The following SARAF variants were observed in gnomAD, a reference collection of about 807,000 sequenced individuals.
SARAF encodes the protein store-operated calcium entry-associated regulatory factor.
A neutral mutation model predicts 39.7 loss-of-function variants in SARAF; 23 were observed. That is an observed-to-expected ratio of 0.58 (90% CI 0.42 to 0.82). The LOEUF (loss-of-function observed/expected upper bound fraction) is 0.82, where lower values mean the gene tolerates loss of function less well. SARAF is among the 40% of genes least tolerant of loss of function. The pLI, the probability that SARAF is intolerant of heterozygous loss-of-function variation, is 0.00. For missense variants in SARAF, 384 were observed against 418.5 expected (o/e 0.92, Z 0.72); for synonymous variants, 175 against 168.5 (o/e 1.04, Z -0.30).
At chr8:30,074,169 G>A in intron 1 of SARAF, 114 bp from the exon 2 acceptor site, 1 of 1,137,606 alleles carries the variant, frequency 8.8e-7, no homozygotes, top group Non-Finnish European at 1.2e-6. Context: ...TCTGAGGATG[G>A]CTAAGAGAGG....
At chr8:30,071,231 C>G (rs1801833961) in intron 2 of SARAF, among the ~76,000 whole-genome samples, 1 of 152,146 alleles carries the variant, frequency 6.6e-6, no homozygotes, top group African/African-American at 2.4e-5. Context: ...ATCCCAGCTA[C>G]TTCAAAAATA....
chr8:30,078,139 C>CAAAA (rs71204258), intron 1 of SARAF: 496 of 210,312 alleles, frequency 2.4e-3, no homozygotes, highest in South Asian at 4.9e-3. Flanking sequence ...GACTCCGTCT[C>CAAAA]AAAAAAAAAA....
rs758269734 is a variant in SARAF, at chr8:30,073,861, C to T, written c.282+16G>A. Reference sequence around the variant, plus strand: ...AAAAACCCCATTTAGACTGCCATTACTGTAGTGGATATTACCTGTACATCA... The same window carrying T: ...AAAAACCCCATTTAGACTGCCATTATTGTAGTGGATATTACCTGTACATCA... On this transcript the variant is annotated intron_variant, in intron 2 of 5. Coordinates refer to ENST00000256255, the MANE Select transcript of SARAF (RefSeq NM_016127.6). 7 of 1,610,566 alleles carry T rather than the reference C, an allele frequency of 4.3e-6. No individual in the cohort carries two copies. Among genetic ancestry groups the T allele is most frequent in the South Asian group, 1.1e-5 (1 of 90,886 alleles).
intron 2 of SARAF, among the ~76,000 whole-genome samples, chr8:30,073,370 C>T (rs1309097168): frequency 1.3e-5 from 2 of 152,250 alleles, no homozygotes; most frequent in African/African-American, 4.8e-5. Flanking sequence ...GTATACAAAA[C>T]ACCAGCGTCC....
chr8:30,071,242 G>A (rs1220740478), intron 2 of SARAF, among the ~76,000 whole-genome samples: 1 of 152,184 alleles, frequency 6.6e-6, no homozygotes, highest in East Asian at 1.9e-4. Context: ...TTCAAAAATA[G>A]AGGCTGAGGC....
At chr8:30,079,320 T>C (rs961052732) in intron 1 of SARAF, among the ~76,000 whole-genome samples, 6 of 152,136 alleles carry the variant, frequency 3.9e-5, no homozygotes, top group African/African-American at 1.4e-4. Flanking sequence ...AAAGATGTCT[T>C]CTTTAATAAA....
In SARAF at chr8:30,069,638, A is replaced by G; in HGVS notation, c.700+4T>C. ...TATTTATGGCCACTGCGAGGGAAAC[A>G]TACCTGTGAACTCAGACTTAAAGCC... On this transcript the variant is annotated splice_donor_region_variant and intron_variant, in intron 3 of 5. Coordinates refer to ENST00000256255, the MANE Select transcript of SARAF (RefSeq NM_016127.6). The G allele has an allele frequency of 3.9e-6, 6 of 1,546,568 alleles. No individual in the cohort carries two copies. Among genetic ancestry groups the G allele is most frequent in the East Asian group, 2.2e-5 (1 of 44,868 alleles).
chr8:30,069,301 G>A lies in SARAF; in HGVS notation c.700+341C>T, dbSNP rs561878761. On this transcript the variant is annotated intron_variant, in intron 3 of 5. Transcript: ENST00000256255. ...ATCACAGGTGCCCGCCACAACACCC[G>A]GCTAATTTTTGTATTTTTAGTAAGA... Among the ~76,000 whole-genome samples, 18 of 151,836 alleles carry A rather than the reference G, an allele frequency of 1.2e-4. No individual in the cohort carries two copies. In the East Asian group the frequency reaches 1.8e-3, roughly 15 times the overall value.
chr8:30,083,078 G>T (rs1802150842), upstream of SARAF: 1 of 617,100 alleles, frequency 1.6e-6, no homozygotes. Flanking sequence ...CGACTGCAGA[G>T]CTGCAGCCGC....
intron 1 of SARAF, chr8:30,078,159 A>G: frequency 2.9e-6 from 1 of 339,758 alleles, no homozygotes; most frequent in Non-Finnish European, 5.6e-6. Flanking sequence ...AAAAAGAAAG[A>G]AAGAAAAAAG....
At chr8:30,078,203 G>C (rs761146442) in intron 1 of SARAF, 2 of 294,006 alleles carry the variant, frequency 6.8e-6, no homozygotes, top group African/African-American at 5.4e-5. Context: ...AAGAAAGAAA[G>C]AAAATTACCA....
At chr8:30,068,491 T>G (rs574501931) in intron 3 of SARAF, among the ~76,000 whole-genome samples, 1 of 152,202 alleles carries the variant, frequency 6.6e-6, no homozygotes, top group African/African-American at 2.4e-5. Flanking sequence ...TATATTACAA[T>G]GTAATAACAA....
intron 1 of SARAF, among the ~76,000 whole-genome samples, chr8:30,078,498 A>T (rs2117442870): frequency 6.6e-6 from 1 of 152,322 alleles, no homozygotes; most frequent in South Asian, 2.1e-4. Flanking sequence ...TAAGACTTAG[A>T]AAAGCTTCAG....
chr8:30,064,549 A>AT (rs1285474401), intron 5 of SARAF, among the ~76,000 whole-genome samples: 1,040 of 43,732 alleles, frequency 0.024, 158 homozygotes, highest in Admixed American at 0.076. Flanking sequence ...ATATATATAT[A>AT]TATATATATA....
intron 3 of SARAF, among the ~76,000 whole-genome samples, chr8:30,069,224 C>T (rs553590026): frequency 6.8e-6 from 1 of 147,766 alleles, no homozygotes; most frequent in African/African-American, 2.5e-5. Context: ...ACCGCAACCT[C>T]CACCTCCCGG....
chr8:30,071,378 A>G (rs1801838860), intron 2 of SARAF, among the ~76,000 whole-genome samples: 1 of 152,198 alleles, frequency 6.6e-6, no homozygotes, highest in Non-Finnish European at 1.5e-5. Context: ...ACACAAGCTA[A>G]AGTAGATTTA....
rs1313696267 is a variant in SARAF at position 30,071,105 on chromosome 8, C to T, written c.283-1046G>A. 2.6e-5 allele frequency among the ~76,000 whole-genome samples: 4 copies of T among 152,244 alleles called. No homozygotes were observed. The East Asian group carries it at 7.7e-4, about 29-fold the overall frequency. On this transcript the variant is annotated intron_variant, in intron 2 of 5. Transcript: ENST00000256255. ...CTTGTAATCCCAGCACTTTGGGAGGCCAAGGTGGGCGGATCACCTGAGGTC... is the reference window on the plus strand; with the variant it reads ...CTTGTAATCCCAGCACTTTGGGAGGTCAAGGTGGGCGGATCACCTGAGGTC...
chr8:30,064,374 T>A (rs1434214527), intron 5 of SARAF, among the ~76,000 whole-genome samples: 1 of 151,874 alleles, frequency 6.6e-6, no homozygotes, highest in South Asian at 2.1e-4. Flanking sequence ...CAAATCTTCC[T>A]ATCTAGAAAG....
intron 2 of SARAF, among the ~76,000 whole-genome samples, chr8:30,071,634 G>A (rs1028451282): frequency 2.6e-5 from 4 of 152,074 alleles, no homozygotes; most frequent in South Asian, 2.1e-4. Flanking sequence ...TTCTCCCGCC[G>A]CACACCTCCC....
Sources: allele counts gnomAD v4.1 joint callset (sites outside exome capture counted in the v4.1 genomes callset), GRCh38; gene constraint gnomAD v4.1.1; transcripts MANE v1.5; gene names NCBI Gene and HGNC (gene_info 2026-07-23, HGNC 2026-07-21).